The following CHODL variants were observed in gnomAD, a reference collection of about 807,000 sequenced individuals.
CHODL encodes chondrolectin, also known as transmembrane protein MT75.
CHODL carries 29 observed loss-of-function variants against 34.5 expected under a neutral mutation model. That is an observed-to-expected ratio of 0.84 (90% CI 0.63 to 1.15). The LOEUF is 1.15. Ranked by LOEUF, CHODL falls within the 50% of genes most tolerant of loss-of-function variation. The pLI, the probability that CHODL is intolerant of heterozygous loss-of-function variation, is 0.00. For synonymous variants in CHODL, 125 were observed against 116.1 expected (o/e 1.08, Z -0.49); for missense variants, 332 against 332.5 (o/e 1.00, Z 0.01).
chr21:18,207,050 A>T (rs1601147715), intron 2 of CHODL, among the ~76,000 whole-genome samples: 1 of 151,970 alleles, frequency 6.6e-6, no homozygotes, highest in Admixed American at 6.6e-5. Flanking sequence ...CCAACCCCTG[A>T]CAGGCCCTGG....
In CHODL at chr21:18,127,790, A is replaced by C. The variant is rs542858215; in HGVS notation, c.-45+99819A>C. Among the ~76,000 whole-genome samples the C allele has an allele frequency of 7.5e-5, 11 of 147,400 alleles. No homozygotes were observed. The South Asian group carries it at 2.3e-3, about 31-fold the overall frequency. On this transcript the variant is annotated intron_variant, in intron 2 of 6. Coordinates refer to the CHODL transcript ENST00000400127. ...ATCTTTATCTTCTGCTCAGAGTCTC[A>C]CAAAACTGCAGTTGAGGTGCCAGTC... is the stretch of plus-strand genomic sequence containing the variant.
chr21:18,251,131 G>A (rs1022343682), intron 1 of CHODL, among the ~76,000 whole-genome samples: 9 of 151,226 alleles, frequency 6.0e-5, no homozygotes, highest in Admixed American at 5.9e-4. Context: ...CATGAGTTTG[G>A]CCCCACTTTA....
intron 2 of CHODL, among the ~76,000 whole-genome samples, chr21:18,050,409 C>G (rs765646504): frequency 2.0e-5 from 3 of 151,968 alleles, no homozygotes; most frequent in Non-Finnish European, 4.4e-5. Flanking sequence ...AACTCTTACT[C>G]TTACTGCTGT....
At chr21:18,061,417 A>G (rs1020622306) in intron 2 of CHODL, among the ~76,000 whole-genome samples, 3 of 152,222 alleles carry the variant, frequency 2.0e-5, no homozygotes, top group African/African-American at 7.2e-5. Flanking sequence ...AAAGCACTTG[A>G]GTTTAGATGA....
intron 2 of CHODL, among the ~76,000 whole-genome samples, chr21:18,071,733 TTTCTATTTCTATTAC>T (rs1476019097): frequency 5.3e-5 from 8 of 152,192 alleles, no homozygotes; most frequent in African/African-American, 1.7e-4. Flanking sequence ...TTCTATTACA[TTTCTATTTCTATTAC>T]ATTTCTATTT....
At chr21:18,094,704 C>A (rs1211563633) in intron 2 of CHODL, among the ~76,000 whole-genome samples, 5 of 133,102 alleles carry the variant, frequency 3.8e-5, no homozygotes, top group Admixed American at 2.3e-4. Flanking sequence ...ACAGCAAAAG[C>A]AGTACTAAGA....
At chr21:18,219,317 C>T (rs1356694524) in intron 2 of CHODL, among the ~76,000 whole-genome samples, 1 of 152,096 alleles carries the variant, frequency 6.6e-6, no homozygotes, top group African/African-American at 2.4e-5. Flanking sequence ...AGGGAAAATG[C>T]CCCTTGTAAA....
intron 2 of CHODL, among the ~76,000 whole-genome samples, chr21:18,185,435 G>C (rs75229036): frequency 6.6e-6 from 1 of 152,156 alleles, no homozygotes; most frequent in Non-Finnish European, 1.5e-5. Flanking sequence ...ATGAGCATCT[G>C]GGTTGGGTCC....
intron 1 of CHODL, among the ~76,000 whole-genome samples, chr21:18,248,130 A>G (rs1181615778): frequency 6.6e-6 from 1 of 151,716 alleles, no homozygotes; most frequent in Admixed American, 6.6e-5. Context: ...ACACTTTAAT[A>G]TATATCAGTT....
chr21:18,233,249 A>G (rs1425842656), intron 2 of CHODL, among the ~76,000 whole-genome samples: 1 of 151,856 alleles, frequency 6.6e-6, no homozygotes. Context: ...GGCTTATTTC[A>G]TTCATCATAA....
intron 1 of CHODL, among the ~76,000 whole-genome samples, chr21:17,964,606 T>G (rs962326781): frequency 2.6e-5 from 4 of 152,254 alleles, no homozygotes; most frequent in African/African-American, 9.6e-5. Flanking sequence ...AAGGTTTGTT[T>G]TGAATCTTTG....
rs149880401 is a variant in CHODL at position 18,216,349 on chromosome 21, G to A, written c.-44-40160G>A. Among the ~76,000 whole-genome samples, 9 of 152,090 alleles carry A rather than the reference G, an allele frequency of 5.9e-5. 1 individual carries two copies. In the East Asian group the frequency reaches 1.5e-3, roughly 26 times the overall value. Reference sequence around the variant, plus strand: ...TAAATTTTTGATAACTATAGTCCTCGCATTATGCTATAAACCACTACAACA... The same window carrying A: ...TAAATTTTTGATAACTATAGTCCTCACATTATGCTATAAACCACTACAACA... On this transcript the variant is annotated intron_variant, in intron 2 of 6. Coordinates refer to the CHODL transcript ENST00000400127.
chr21:18,183,625 A>C (rs531752925), intron 2 of CHODL, among the ~76,000 whole-genome samples: 254 of 152,348 alleles, frequency 1.7e-3, no homozygotes, highest in Non-Finnish European at 1.9e-3. Context: ...CCAGAAAAAG[A>C]AGGAAGTAAG....
chr21:18,138,540 T>C (rs1334996204), intron 2 of CHODL, among the ~76,000 whole-genome samples: 1 of 152,154 alleles, frequency 6.6e-6, no homozygotes, highest in Non-Finnish European at 1.5e-5. Context: ...CAGAATTTTA[T>C]TGATTTTGCA....
At chr21:18,083,871 A>C (rs2064971879) in intron 2 of CHODL, among the ~76,000 whole-genome samples, 1 of 152,154 alleles carries the variant, frequency 6.6e-6, no homozygotes, top group South Asian at 2.1e-4. Context: ...CTCAGGTTAG[A>C]CTTTGGACTT....
chr21:18,246,756 C>G (rs559672774), intron 1 of CHODL, among the ~76,000 whole-genome samples: 2 of 152,136 alleles, frequency 1.3e-5, no homozygotes, highest in South Asian at 4.2e-4. Context: ...TGTTCCTAGG[C>G]CTCAACATTT....
At chr21:17,929,109 T>G (rs2146317536) in intron 1 of CHODL, among the ~76,000 whole-genome samples, 1 of 152,360 alleles carries the variant, frequency 6.6e-6, no homozygotes, top group South Asian at 2.1e-4. Flanking sequence ...AACATTTTAC[T>G]TGTTCCATGT....
intron 2 of CHODL, among the ~76,000 whole-genome samples, chr21:18,185,235 A>G (rs1397332330): frequency 6.6e-6 from 1 of 151,862 alleles, no homozygotes; most frequent in Non-Finnish European, 1.5e-5. Context: ...ATGTGTTCTC[A>G]TTGTTCAACT....
chr21:18,188,511 A>G (rs752770054), intron 2 of CHODL, among the ~76,000 whole-genome samples: 5 of 152,230 alleles, frequency 3.3e-5, no homozygotes, highest in Non-Finnish European at 5.9e-5. Flanking sequence ...CAAAATAGAA[A>G]TCTTTATTGA....
Sources: gnomAD v4.1 joint callset for allele counts (sites outside exome capture counted in the v4.1 genomes callset) on GRCh38, gnomAD v4.1.1 for gene constraint, MANE v1.5 for transcripts, NCBI Gene and HGNC (gene_info 2026-07-23, HGNC 2026-07-21) for gene names.